DLG5: variants seen among roughly 807,000 people sequenced by gnomAD.
DLG5 encodes the protein discs large MAGUK scaffold protein 5.
DLG5 carries 48 observed loss-of-function variants against 189.8 expected under a neutral mutation model. The observed-to-expected ratio is 0.25, with a 90% CI of 0.20 to 0.32. The LOEUF (loss-of-function observed/expected upper bound fraction) is 0.32, where lower values mean the gene tolerates loss of function less well. Among genes scored for constraint, DLG5 ranks in the 10% least tolerant of loss-of-function variants. The probability of loss-of-function intolerance (pLI) is 1.00; values close to 1 mark genes in which losing one functional copy is unlikely to be tolerated. For synonymous variants in DLG5, 1,016 were observed against 1,054.1 expected (o/e 0.96, Z 0.70); for missense variants, 2,160 against 2,544.7 (o/e 0.85, Z 3.25).
At chr10:77,872,566 A>G (rs1354359896) in intron 1 of DLG5, among the ~76,000 whole-genome samples, 1 of 152,122 alleles carries the variant, frequency 6.6e-6, no homozygotes, top group Non-Finnish European at 1.5e-5. Context: ...AGTTTTTACA[A>G]TGTTCCCAGA....
chr10:77,896,872 G>A (rs1172189980), intron 1 of DLG5, among the ~76,000 whole-genome samples: 2 of 151,848 alleles, frequency 1.3e-5, no homozygotes, highest in Non-Finnish European at 2.9e-5. Flanking sequence ...TCTCGGTGAC[G>A]ACTAAACAAG....
At chr10:77,938,308 A>G in the DLG5 span, among the ~76,000 whole-genome samples, 1 of 152,046 alleles carries the variant, frequency 6.6e-6, no homozygotes, top group African/African-American at 2.4e-5. Context: ...TTTGCCGGGC[A>G]TGGTCCCAGC....
At chr10:77,804,544 A>G (rs1841377093) in intron 27 of DLG5, among the ~76,000 whole-genome samples, 1 of 152,168 alleles carries the variant, frequency 6.6e-6, no homozygotes, top group Non-Finnish European at 1.5e-5. Context: ...CCACCCCCAC[A>G]CCTGATTGCC....
Position 77,820,986 on chromosome 10 carries a change from G to A in DLG5, c.3402+96C>T, listed in dbSNP as rs58879580. ...GGCAAAGGCACCAGGCTAAACAGGGGCCTGGGACACTGGTGCAGGGCCACT... is the reference window on the plus strand; with the variant it reads ...GGCAAAGGCACCAGGCTAAACAGGGACCTGGGACACTGGTGCAGGGCCACT... On this transcript the variant is annotated intron_variant, in intron 15 of 31. Coordinates refer to ENST00000372391, the MANE Select transcript of DLG5 (RefSeq NM_004747.4). 2,802 of 1,468,304 alleles carry A rather than the reference G, an allele frequency of 1.9e-3. 47 individuals carry two copies. In the African/African-American group the frequency reaches 0.033, roughly 17 times the overall value. 91.0% of individuals were successfully genotyped at this position (1,468,304 alleles called of 1,614,324 possible).
intron 20 of DLG5, 76 bp from the exon 21 acceptor site, chr10:77,812,453 G>A: frequency 1.3e-6 from 2 of 1,519,114 alleles, no homozygotes; most frequent in South Asian, 1.2e-5. Flanking sequence ...CTCTGATCAG[G>A]CATATGATCT....
At chr10:77,901,414 C>T (rs1451693037) in intron 1 of DLG5, among the ~76,000 whole-genome samples, 1 of 152,228 alleles carries the variant, frequency 6.6e-6, no homozygotes, top group East Asian at 1.9e-4. Flanking sequence ...CTGGAGGTTA[C>T]ACCTGGCAAA....
intron 1 of DLG5, among the ~76,000 whole-genome samples, chr10:77,911,710 G>A (rs1022127764): frequency 2.0e-5 from 3 of 152,136 alleles, no homozygotes; most frequent in African/African-American, 7.2e-5. Flanking sequence ...AACACACCCT[G>A]GCTTGAGGTG....
At position 77,843,577 on chromosome 10, in the gene DLG5, T is replaced by C. The variant is rs767463629; in HGVS notation, c.994A>G (p.Asn332Asp). 2 of 1,614,114 alleles carry C rather than the reference T, an allele frequency of 1.2e-6. No individual in the cohort carries two copies. The highest frequency in any genetic ancestry group is 2.2e-5 in the East Asian group (1 of 44,880). The change falls in exon 6 of 32, where the codon AAT (asparagine) becomes GAT (aspartate). Residue 332 changes from asparagine to aspartate, a missense_variant. Transcript: ENST00000372391. Reference protein sequence around the residue: ...KRYSEKVAIHNADLSRLEQLG... With the variant: ...KRYSEKVAIHDADLSRLEQLG... ...TGCTCCAGGCGGCTCAGGTCTGCAT[T>C]GTGGATGGCGACTTTCTCACTGTAC...
chr10:77,919,899 A>G (rs546306777), intron 1 of DLG5, among the ~76,000 whole-genome samples: 140 of 152,318 alleles, frequency 9.2e-4, no homozygotes, highest in Non-Finnish European at 1.3e-3. Context: ...CCATGAGGTC[A>G]CCACTTAGGA....
intron 1 of DLG5, among the ~76,000 whole-genome samples, chr10:77,904,489 T>C (rs1403838254): frequency 6.6e-6 from 1 of 152,162 alleles, no homozygotes; most frequent in African/African-American, 2.4e-5. Context: ...TGTGTCCCTA[T>C]TCAAATCTCA....
chr10:77,843,783 A>G (rs1043485776), intron 5 of DLG5, 77 bp from the exon 6 acceptor site: 9 of 1,586,752 alleles, frequency 5.7e-6, no homozygotes, highest in South Asian at 1.1e-5. Flanking sequence ...ACTTTTGTCT[A>G]TCTGAGGGTG....
Position 77,843,627 on chromosome 10 carries a change from T to C in DLG5, c.944A>G (p.Lys315Arg). ...CCTCTTCCGAAGGGCGTCATAGTCC[T>C]TCTTGACCACCTCCAACTTGTCCAT... Reference protein sequence around the residue: ...TAMDKLEVVKKDYDALRKRYS... With the variant: ...TAMDKLEVVKRDYDALRKRYS... The change falls in exon 6 of 32, where the codon AAG becomes AGG. Residue 315 changes from lysine (K) to arginine (R), a missense_variant. Lys to Arg is a conservative substitution (Grantham distance 26). Coordinates refer to ENST00000372391, the MANE Select transcript of DLG5 (RefSeq NM_004747.4). 6.2e-7 allele frequency: 1 copy of C among 1,613,906 alleles called. No homozygotes were observed. Among genetic ancestry groups the C allele is most frequent in the Non-Finnish European group, 8.5e-7 (1 of 1,180,004 alleles).
chr10:77,897,750 G>C (rs1390673095), intron 1 of DLG5, among the ~76,000 whole-genome samples: 1 of 150,466 alleles, frequency 6.6e-6, no homozygotes, highest in Non-Finnish European at 1.5e-5. Context: ...AAAGAAAAGA[G>C]AGGAAAAAGA....
intron 7 of DLG5, among the ~76,000 whole-genome samples, chr10:77,840,153 G>A (rs990957586): frequency 6.6e-6 from 1 of 152,182 alleles, no homozygotes; most frequent in South Asian, 2.1e-4. Flanking sequence ...TGAGGCAGGA[G>A]GATCGCTTGA....
chr10:77,828,411 C>T (rs752954666), intron 13 of DLG5, among the ~76,000 whole-genome samples: 5 of 134,842 alleles, frequency 3.7e-5, no homozygotes, highest in African/African-American at 8.7e-5. Context: ...CACTTGAACA[C>T]GAAAGTCAGA....
chr10:77,924,373 A>T (rs1242713487), intron 1 of DLG5, among the ~76,000 whole-genome samples: 1 of 152,132 alleles, frequency 6.6e-6, no homozygotes, highest in African/African-American at 2.4e-5. Flanking sequence ...CAGCCCCATG[A>T]GGCCCCACAT....
chr10:77,822,157 T>C, intron 14 of DLG5, 56 bp from the exon 15 acceptor site: 1 of 1,555,942 alleles, frequency 6.4e-7, no homozygotes, highest in Non-Finnish European at 8.7e-7. Context: ...GACTTGGAGC[T>C]GCCACTGAAA....
chr10:77,808,826 G>A (rs1841606105), intron 24 of DLG5, among the ~76,000 whole-genome samples: 1 of 152,248 alleles, frequency 6.6e-6, no homozygotes, highest in Non-Finnish European at 1.5e-5. Flanking sequence ...CAGGCACAGT[G>A]GCTCACGCCT....
At chr10:77,816,751 C>G (rs752763129) in intron 19 of DLG5, 50 bp from the exon 20 acceptor site, 2 of 1,567,818 alleles carry the variant, frequency 1.3e-6, no homozygotes, top group South Asian at 2.4e-5. Flanking sequence ...CTCACTTCCC[C>G]AACAGCCAAG....
Sources: allele counts gnomAD v4.1 joint callset (sites outside exome capture counted in the v4.1 genomes callset), GRCh38; gene constraint gnomAD v4.1.1; transcripts MANE v1.5; gene names NCBI Gene and HGNC (gene_info 2026-07-23, HGNC 2026-07-21).